Variants in MMP16 observed in about 807,000 individuals in gnomAD.
The protein encoded by MMP16 is matrix metalloproteinase-16.
Under a neutral mutation model 67.8 loss-of-function variants are expected in MMP16, and 12 were observed. The ratio of observed to expected loss-of-function variants is 0.18; its 90% CI spans 0.11 to 0.29. The LOEUF (loss-of-function observed/expected upper bound fraction) is 0.29. Among genes scored for constraint, MMP16 ranks in the 10% least tolerant of loss-of-function variants. The pLI is 1.00. For synonymous variants in MMP16, 249 were observed against 255.9 expected (o/e 0.97, Z 0.26); for missense variants, 475 against 765.7 (o/e 0.62, Z 4.48).
chr8:88,108,413 A>C (rs959495659), intron 6 of MMP16, among the ~76,000 whole-genome samples: 4 of 151,234 alleles, frequency 2.6e-5, no homozygotes, highest in African/African-American at 7.3e-5. Flanking sequence ...GCATCTTTTC[A>C]TCTAGGAGGG....
chr8:88,287,518 T>C (rs1436474671), intron 1 of MMP16, among the ~76,000 whole-genome samples: 1 of 152,104 alleles, frequency 6.6e-6, no homozygotes, highest in African/African-American at 2.4e-5. Flanking sequence ...TACCCCAAAT[T>C]CAGGCCCTCG....
chr8:88,109,286 T>C (rs1181298036), intron 6 of MMP16, among the ~76,000 whole-genome samples: 1 of 151,312 alleles, frequency 6.6e-6, no homozygotes, highest in Non-Finnish European at 1.5e-5. Flanking sequence ...AGTTTTAATT[T>C]TTTCTGTTGA....
rs1203528482 is a variant in MMP16, at chr8:88,038,018, T to C, written c.*3443A>G. ...AACACTGAACTGACACCTTATGTTA[T>C]TGACCCATGGAAATTTATTCTGCAT... On this transcript the variant is annotated 3_prime_UTR_variant, in exon 10 of 10. Transcript: ENST00000286614. This position sits in a 1 kb window ranked among gnomAD's most constrained non-coding sequence, Gnocchi z 4.1. The C allele has an allele frequency of 3.3e-5, 5 of 152,000 alleles. No homozygotes were observed. Among genetic ancestry groups the C allele is most frequent in the Non-Finnish European group, 7.4e-5 (5 of 67,908 alleles). 9.4% of individuals were successfully genotyped at this position (152,000 alleles called of 1,614,324 possible).
At chr8:88,232,981 G>T (rs954244301) in intron 1 of MMP16, among the ~76,000 whole-genome samples, 3 of 152,130 alleles carry the variant, frequency 2.0e-5, no homozygotes, top group South Asian at 2.1e-4. Context: ...GAAGTCAGGG[G>T]ATCAAGCTTT....
chr8:88,129,501 A>T lies in MMP16; in HGVS notation c.710-10640T>A, dbSNP rs184386558. On this transcript the variant is annotated intron_variant, in intron 4 of 9. Transcript: ENST00000286614. ...AAAGAAGTGTGATAACTTTATCTTG[A>T]CACATTCAGATTTCCTGATCATTTC... is the stretch of plus-strand genomic sequence containing the variant. Among the ~76,000 whole-genome samples, 994 of 151,756 alleles carry T rather than the reference A, an allele frequency of 6.5e-3. 12 individuals carry two copies. The Middle Eastern group carries it at 0.068, about 10-fold the overall frequency.
At chr8:88,258,449 C>T (rs746780930) in intron 1 of MMP16, among the ~76,000 whole-genome samples, 2 of 152,170 alleles carry the variant, frequency 1.3e-5, no homozygotes, top group Non-Finnish European at 2.9e-5. Flanking sequence ...AGGTCTCTCC[C>T]TGACCTAAGA....
At chr8:88,288,537 A>C (rs1810869892) in intron 1 of MMP16, among the ~76,000 whole-genome samples, 1 of 152,140 alleles carries the variant, frequency 6.6e-6, no homozygotes. Context: ...CTAAACATCA[A>C]CTGACCAGTG....
intron 1 of MMP16, among the ~76,000 whole-genome samples, chr8:88,211,247 A>G (rs936353919): frequency 6.6e-6 from 1 of 152,278 alleles, no homozygotes; most frequent in Middle Eastern, 3.4e-3. Flanking sequence ...TGCTGGAAGA[A>G]CAAAATAAAA....
intron 6 of MMP16, among the ~76,000 whole-genome samples, chr8:88,108,372 T>C (rs1003708452): frequency 1.3e-5 from 2 of 151,218 alleles, no homozygotes; most frequent in Admixed American, 1.3e-4. Flanking sequence ...GAGAGAGCAA[T>C]TTGCACAATT....
In MMP16 at chr8:88,288,341, AT is replaced by A. The variant is rs576496927; in HGVS notation, c.132+38733del. ...ATTAACATAAACATTTCAGGACACCATTTTTTTTCTTTTTTCTTTTTTTTTC... is the reference window on the plus strand; with the variant it reads ...ATTAACATAAACATTTCAGGACACCATTTTTTTCTTTTTTCTTTTTTTTTC... On this transcript the variant is annotated intron_variant, in intron 1 of 9. Transcript: ENST00000286614. 2.4e-4 allele frequency among the ~76,000 whole-genome samples: 37 copies of A among 151,754 alleles called. 1 individual carries two copies. Among genetic ancestry groups the A allele is most frequent in the East Asian group, 1.9e-4 (1 of 5,160 alleles).
At chr8:88,246,823 AAT>A (rs1344835070) in intron 1 of MMP16, among the ~76,000 whole-genome samples, 5 of 152,200 alleles carry the variant, frequency 3.3e-5, no homozygotes, top group Non-Finnish European at 5.9e-5. Context: ...AAGTAATTAA[AAT>A]ATCCAGAGAT....
intron 7 of MMP16, among the ~76,000 whole-genome samples, chr8:88,069,793 T>C (rs1418220469): frequency 1.3e-5 from 2 of 152,164 alleles, no homozygotes; most frequent in Non-Finnish European, 2.9e-5. Context: ...GAATCTCATG[T>C]CTTCTGTCAA....
intron 1 of MMP16, among the ~76,000 whole-genome samples, chr8:88,309,689 C>T (rs900421226): frequency 1.1e-4 from 17 of 151,984 alleles, no homozygotes; most frequent in African/African-American, 3.4e-4. Flanking sequence ...CTCTACTTTT[C>T]CTAAGATGTA....
intron 3 of MMP16, among the ~76,000 whole-genome samples, chr8:88,180,343 C>G (rs1007704377): frequency 2.7e-5 from 4 of 148,138 alleles, no homozygotes; most frequent in Non-Finnish European, 4.5e-5. Context: ...AAAAAAACAA[C>G]AAAATTTAAC....
intron 1 of MMP16, among the ~76,000 whole-genome samples, chr8:88,276,370 A>C (rs1292356505): frequency 6.6e-6 from 1 of 152,068 alleles, no homozygotes; most frequent in African/African-American, 2.4e-5. Context: ...CTTTGGTCTC[A>C]AGTATTACTC....
At chr8:88,075,920 C>A (rs1239794447) in intron 6 of MMP16, among the ~76,000 whole-genome samples, 3 of 127,116 alleles carry the variant, frequency 2.4e-5, no homozygotes, top group Non-Finnish European at 5.0e-5. Flanking sequence ...TAGGATTTAT[C>A]AATTACTCAT....
intron 1 of MMP16, among the ~76,000 whole-genome samples, chr8:88,234,094 T>C (rs10094255): frequency 0.72 from 109,335 of 151,626 alleles, 41,842 homozygotes; most frequent in Non-Finnish European, 0.88. Context: ...TAAGTGTATG[T>C]GTTCAACTTT....
At chr8:88,175,300 TCC>T (rs763160265) in intron 3 of MMP16, among the ~76,000 whole-genome samples, 1 of 152,164 alleles carries the variant, frequency 6.6e-6, no homozygotes, top group Non-Finnish European at 1.5e-5. Context: ...TCACCCCAAT[TCC>T]TGTCTGCATA....
chr8:88,134,439 A>T (rs1029206191), intron 4 of MMP16, among the ~76,000 whole-genome samples: 1 of 151,722 alleles, frequency 6.6e-6, no homozygotes, highest in Admixed American at 6.6e-5. Context: ...GATCTTCCCA[A>T]GAAACTATTT....
Sources: allele counts gnomAD v4.1 joint callset (sites outside exome capture counted in the v4.1 genomes callset), GRCh38; gene constraint gnomAD v4.1.1; non-coding constraint Gnocchi (gnomAD v3.1); transcripts MANE v1.5; gene names NCBI Gene and HGNC (gene_info 2026-07-23, HGNC 2026-07-21).